KPNA1: variants seen among roughly 807,000 people sequenced by gnomAD.
KPNA1 encodes the protein importin subunit alpha-5.
Under a neutral mutation model 70.5 loss-of-function variants are expected in KPNA1, and 10 were observed. That is an observed-to-expected ratio of 0.14 (90% confidence interval 0.09 to 0.24). The LOEUF is 0.24. Among genes scored for constraint, KPNA1 ranks in the 10% least tolerant of loss-of-function variants. KPNA1 has a pLI of 1.00. For synonymous variants in KPNA1, 192 were observed against 221.9 expected, an observed-to-expected ratio of 0.87 and a Z score of 1.20; for missense variants, 397 against 637.9, an observed-to-expected ratio of 0.62 and a Z score of 4.07.
intron 2 of KPNA1, among the ~76,000 whole-genome samples, chr3:122,470,276 G>T (rs2076426166): frequency 1.3e-5 from 2 of 152,126 alleles, no homozygotes; most frequent in South Asian, 4.1e-4. Flanking sequence ...CCTTTGGGAG[G>T]AGGCGGCGGG....
In KPNA1 at chr3:122,426,266, T is replaced by A; in HGVS notation, c.*719A>T. ...AATTAATATGTGCCCCTCTCCTTTCTGCTCTAAGGGAATCTACAAACCAGT... is the reference window on the plus strand; with the variant it reads ...AATTAATATGTGCCCCTCTCCTTTCAGCTCTAAGGGAATCTACAAACCAGT... On this transcript the variant is annotated 3_prime_UTR_variant, in exon 14 of 14. Coordinates refer to ENST00000344337, the MANE Select transcript of KPNA1 (RefSeq NM_002264.4). 6.6e-6 allele frequency: 1 copy of A among 152,660 alleles called. No homozygotes were observed. Among genetic ancestry groups the A allele is most frequent in the East Asian group, 1.9e-4 (1 of 5,194 alleles). 9.5% of individuals were successfully genotyped at this position (152,660 alleles called of 1,614,324 possible).
At position 122,422,952 on chromosome 3, in the gene KPNA1, T is replaced by A. The variant is rs1167334011; in HGVS notation, c.*4033A>T. The A allele has an allele frequency of 6.6e-6, 1 of 152,242 alleles. No individual in the cohort carries two copies. Among genetic ancestry groups the A allele is most frequent in the Non-Finnish European group, 1.5e-5 (1 of 68,042 alleles). The allele number at this position is 152,242 out of a possible 1,614,324, so 9.4% of individuals were successfully genotyped here. On this transcript the variant is annotated 3_prime_UTR_variant, in exon 14 of 14. Coordinates refer to ENST00000344337, the MANE Select transcript of KPNA1 (RefSeq NM_002264.4). The stretch of plus-strand genomic sequence containing the variant: ...GCTTCCAGATGTATTTTATGTCCAG[T>A]AGCAATTTGATATTTTAAATTAGCA...
At chr3:122,454,057 T>TTA in intron 5 of KPNA1, 56 bp from the exon 6 acceptor site, 1 of 1,249,792 alleles carries the variant, frequency 8.0e-7, no homozygotes, top group East Asian at 2.6e-5. Flanking sequence ...GTTTGTTTAC[T>TTA]TATAACAGTA....
intron 2 of KPNA1, 91 bp downstream of exon 2, chr3:122,496,346 A>ACACACC: frequency 8.5e-7 from 1 of 1,180,368 alleles, no homozygotes; most frequent in African/African-American, 1.5e-5. Flanking sequence ...ACACACACAC[A>ACACACC]CACCCCAACT....
intron 1 of KPNA1, among the ~76,000 whole-genome samples, chr3:122,506,395 T>TTGTTTTCTTTCTTTCTTCCAGGGTTACTC (rs2076890794): frequency 6.6e-6 from 1 of 152,216 alleles, no homozygotes; most frequent in African/African-American, 2.4e-5. Context: ...GTTCAGTTCA[T>TTGTTTTCTTTCTTTCTTCCAGGGTTACTC]TTGAAAATAT....
intron 1 of KPNA1, among the ~76,000 whole-genome samples, chr3:122,500,121 T>C (rs1288336842): frequency 6.6e-6 from 1 of 152,080 alleles, no homozygotes; most frequent in Non-Finnish European, 1.5e-5. Flanking sequence ...TTTTTTGTTG[T>C]TGTTGTTGTT....
At chr3:122,506,437 C>T (rs1034163310) in intron 1 of KPNA1, among the ~76,000 whole-genome samples, 9 of 151,960 alleles carry the variant, frequency 5.9e-5, no homozygotes, top group South Asian at 2.1e-4. Context: ...TCTAGTCAAA[C>T]GATAGTAGGT....
intron 13 of KPNA1, 65 bp downstream of exon 13, chr3:122,427,473 T>TA (rs2075837714): frequency 6.8e-7 from 1 of 1,478,102 alleles, no homozygotes; most frequent in African/African-American, 1.4e-5. Context: ...GTATTGTTTT[T>TA]ACTGAACTCT....
At chr3:122,492,854 G>A (rs2076715492) in intron 2 of KPNA1, among the ~76,000 whole-genome samples, 1 of 152,194 alleles carries the variant, frequency 6.6e-6, no homozygotes, top group African/African-American at 2.4e-5. Flanking sequence ...CTGAACTGCT[G>A]TAACCACTTA....
chr3:122,482,026 C>T (rs2076576769), intron 2 of KPNA1, among the ~76,000 whole-genome samples: 2 of 152,302 alleles, frequency 1.3e-5, no homozygotes, highest in Admixed American at 6.5e-5. Flanking sequence ...AGAGAGAGAA[C>T]TTCCTTAATC....
At chr3:122,438,868 G>A (rs955873887) in intron 10 of KPNA1, among the ~76,000 whole-genome samples, 4 of 152,074 alleles carry the variant, frequency 2.6e-5, no homozygotes, top group African/African-American at 9.6e-5. Flanking sequence ...AAATTATAGG[G>A]GAAAATAAAA....
intron 2 of KPNA1, among the ~76,000 whole-genome samples, chr3:122,476,799 G>A (rs2107757795): frequency 7.4e-6 from 1 of 134,744 alleles, no homozygotes; most frequent in South Asian, 2.4e-4. Flanking sequence ...GGAAACCCTT[G>A]CACATCGCTG....
Position 122,424,459 on chromosome 3 carries a change from T to C in KPNA1, c.*2526A>G, listed in dbSNP as rs1215432564. On this transcript the variant is annotated 3_prime_UTR_variant, in exon 14 of 14. Transcript: ENST00000344337. ...TTTTAGCCAATTCCAACTTTGATAC[T>C]TTAAGAAAAAATCATTTTATTGTTA... 1 of 152,224 alleles carries C rather than the reference T, an allele frequency of 6.6e-6. No homozygotes were observed. The highest frequency in any genetic ancestry group is 1.5e-5 in the Non-Finnish European group (1 of 68,020). 9.4% of individuals were successfully genotyped at this position (152,224 alleles called of 1,614,324 possible). A position where few individuals can be genotyped will look rare whatever the true frequency, so the allele number is the denominator to read the frequency against.
chr3:122,463,908 A>G, intron 4 of KPNA1, 34 bp downstream of exon 4: 1 of 1,175,552 alleles, frequency 8.5e-7, no homozygotes, highest in Non-Finnish European at 1.2e-6. Context: ...TTGTAGAGAG[A>G]TGAAAAAATA....
At chr3:122,452,849 AAG>A (rs2076225302) in intron 6 of KPNA1, among the ~76,000 whole-genome samples, 2 of 152,106 alleles carry the variant, frequency 1.3e-5, no homozygotes, top group South Asian at 4.1e-4. Flanking sequence ...GAAAGAAAAA[AAG>A]AGACAGAAAG....
chr3:122,473,024 T>G (rs1395086122), intron 2 of KPNA1, among the ~76,000 whole-genome samples: 2 of 152,110 alleles, frequency 1.3e-5, no homozygotes, highest in Admixed American at 1.3e-4. Context: ...GAGGTTGCAG[T>G]GAGCCAAGAT....
At chr3:122,442,521 A>G (rs2076078002) in intron 9 of KPNA1, among the ~76,000 whole-genome samples, 1 of 152,208 alleles carries the variant, frequency 6.6e-6, no homozygotes, top group African/African-American at 2.4e-5. Flanking sequence ...TCAGACGTAA[A>G]AGTGACACAT....
intron 2 of KPNA1, among the ~76,000 whole-genome samples, chr3:122,478,021 G>C (rs985339028): frequency 1.3e-5 from 2 of 151,620 alleles, no homozygotes; most frequent in African/African-American, 4.8e-5. Context: ...AATTAGCTGG[G>C]CGTGGTGGCA....
At chr3:122,462,091 G>A (rs1016145326) in intron 4 of KPNA1, among the ~76,000 whole-genome samples, 1 of 152,074 alleles carries the variant, frequency 6.6e-6, no homozygotes, top group African/African-American at 2.4e-5. Flanking sequence ...TCATTTACCT[G>A]GTTGAACATT....
Sources: allele counts gnomAD v4.1 joint callset (sites outside exome capture counted in the v4.1 genomes callset), GRCh38; gene constraint gnomAD v4.1.1; transcripts MANE v1.5; gene names NCBI Gene and HGNC (gene_info 2026-07-23, HGNC 2026-07-21).